Variants in FGF13 observed in about 807,000 individuals in gnomAD.
FGF13 encodes the protein fibroblast growth factor 13, also known as fibroblast growth factor homologous factor 2.
Under a neutral mutation model 19.5 loss-of-function variants are expected in FGF13, and 2 were observed. That is an observed-to-expected ratio of 0.10 (90% CI 0.04 to 0.32). FGF13 has a LOEUF of 0.32. Ranked by LOEUF, FGF13 falls within the 10% of genes least tolerant of loss-of-function variation. The pLI is 1.00. For missense variants in FGF13, 113 were observed against 192.7 expected (o/e 0.59, Z 2.45); for synonymous variants, 72 against 76.9 (o/e 0.94, Z 0.33).
At chrX:138,879,086 A>G (rs779560577) in intron 1 of FGF13, among the ~76,000 whole-genome samples, 187 of 110,566 alleles carry the variant, frequency 1.7e-3, no homozygotes, top group African/African-American at 5.7e-3. Context: ...ATTTTCTCTC[A>G]TTTTGTTTTT....
chrX:139,104,672 C>T (rs937543949), intron 1 of FGF13, among the ~76,000 whole-genome samples: 2 of 111,198 alleles, frequency 1.8e-5, no homozygotes, highest in Admixed American at 9.6e-5. Flanking sequence ...AGGGTACCAA[C>T]GTGATCAGAT....
intron 1 of FGF13, among the ~76,000 whole-genome samples, chrX:138,731,993 A>G (rs1439715879): frequency 8.9e-6 from 1 of 111,771 alleles, no homozygotes; most frequent in Non-Finnish European, 1.9e-5. Flanking sequence ...AAAGCACTCA[A>G]CATCATTAGT....
rs1320261884 is a variant in FGF13, at chrX:138,619,190, C to T, written c.*13660G>A. 9.0e-6 allele frequency: 1 copy of T among 111,465 alleles called. No individual in the cohort carries two copies. Among genetic ancestry groups the T allele is most frequent in the African/African-American group, 3.3e-5 (1 of 30,632 alleles). 9.2% of individuals were successfully genotyped at this position (111,465 alleles called of 1,213,427 possible). ...ACACAGACAAAGAAGTCAGTAGAAT[C>T]AGGAAAACAATGTATGACCAAAATA... On this transcript the variant is annotated 3_prime_UTR_variant, in exon 5 of 5. Coordinates refer to ENST00000315930, the MANE Select transcript of FGF13 (RefSeq NM_004114.5).
At chrX:139,105,050 T>C (rs2083549925) in intron 1 of FGF13, among the ~76,000 whole-genome samples, 1 of 111,123 alleles carries the variant, frequency 9.0e-6, no homozygotes, top group Admixed American at 9.6e-5. Context: ...TCTTCTTCAT[T>C]GTATTTTACC....
At chrX:139,105,150 G>A (rs898331659) in intron 1 of FGF13, among the ~76,000 whole-genome samples, 13 of 110,751 alleles carry the variant, frequency 1.2e-4, no homozygotes, top group African/African-American at 3.0e-4. Flanking sequence ...ATAAAGAGTC[G>A]TGGAACTCAG....
intron 3 of FGF13, among the ~76,000 whole-genome samples, chrX:138,810,077 G>T (rs2090908862): frequency 9.0e-6 from 1 of 111,640 alleles, no homozygotes; most frequent in Non-Finnish European, 1.9e-5. Flanking sequence ...TTTCTTCACA[G>T]AATTAGAAAA....
At chrX:139,108,969 G>C (rs1569453927) in intron 1 of FGF13, among the ~76,000 whole-genome samples, 1 of 109,625 alleles carries the variant, frequency 9.1e-6, no homozygotes, top group East Asian at 2.9e-4. Context: ...CTACTTTGCT[G>C]AGGATAATGG....
At chrX:138,678,541 T>C (rs188019559) in intron 3 of FGF13, among the ~76,000 whole-genome samples, 97 of 111,651 alleles carry the variant, frequency 8.7e-4, no homozygotes, top group African/African-American at 3.1e-3. Context: ...ATGACCAAGT[T>C]AGAGGAAGCT....
intron 1 of FGF13, among the ~76,000 whole-genome samples, chrX:138,995,596 A>G (rs2092038759): frequency 8.9e-6 from 1 of 112,582 alleles, no homozygotes; most frequent in African/African-American, 3.2e-5. Flanking sequence ...TTTGCTAAGT[A>G]TGATAGCCTC....
chrX:139,071,034 C>T (rs2092375003), intron 1 of FGF13, among the ~76,000 whole-genome samples: 1 of 109,037 alleles, frequency 9.2e-6, no homozygotes, highest in South Asian at 4.0e-4. Flanking sequence ...ATGTAGATGA[C>T]GAGTTGATGA....
intron 1 of FGF13, among the ~76,000 whole-genome samples, chrX:138,865,473 C>CCTCTCT (rs1197850890): frequency 1.6e-5 from 1 of 64,419 alleles, no homozygotes; most frequent in Non-Finnish European, 3.1e-5. Flanking sequence ...CTCTCTCTCT[C>CCTCTCT]CTCTCTCTCT....
intron 1 of FGF13, among the ~76,000 whole-genome samples, chrX:139,145,571 C>A (rs779117729): frequency 9.1e-6 from 1 of 110,362 alleles, no homozygotes; most frequent in East Asian, 2.9e-4. Context: ...AACTTACACT[C>A]CAACTGTGTG....
intron 3 of FGF13, among the ~76,000 whole-genome samples, chrX:138,789,620 G>C (rs2090723155): frequency 9.0e-6 from 1 of 110,919 alleles, no homozygotes; most frequent in Non-Finnish European, 1.9e-5. Flanking sequence ...AATTCCTCCA[G>C]TTTCTGGTAT....
chrX:139,142,764 A>T (rs1002944863), intron 1 of FGF13, among the ~76,000 whole-genome samples: 4 of 112,004 alleles, frequency 3.6e-5, no homozygotes, highest in Non-Finnish European at 7.5e-5. Context: ...AAAAGCACTG[A>T]TCAGTTTTTT....
intron 1 of FGF13, among the ~76,000 whole-genome samples, chrX:138,938,548 T>C (rs1247285924): frequency 1.8e-5 from 2 of 110,973 alleles, no homozygotes. Context: ...ATTCACGGGA[T>C]TCTGCCGCCC....
At chrX:138,805,344 T>C (rs1340605146) in intron 3 of FGF13, among the ~76,000 whole-genome samples, 1 of 112,220 alleles carries the variant, frequency 8.9e-6, no homozygotes, top group Non-Finnish European at 1.9e-5. Flanking sequence ...GTTGGCAGAT[T>C]AACCTTGAAA....
intron 3 of FGF13, among the ~76,000 whole-genome samples, chrX:138,810,425 C>G (rs1468566038): frequency 9.0e-6 from 1 of 111,356 alleles, no homozygotes; most frequent in Non-Finnish European, 1.9e-5. Context: ...CTTCCTTACA[C>G]CTTATACAAA....
chrX:139,067,253 A>G (rs1005278781), intron 1 of FGF13, among the ~76,000 whole-genome samples: 2 of 111,773 alleles, frequency 1.8e-5, no homozygotes, highest in Admixed American at 9.5e-5. Context: ...CACCACTCCT[A>G]TTCAACATAG....
At chrX:138,867,352 G>A (rs917272525) in intron 1 of FGF13, among the ~76,000 whole-genome samples, 1 of 111,174 alleles carries the variant, frequency 9.0e-6, no homozygotes, top group African/African-American at 3.3e-5. Flanking sequence ...CCACGAGTTC[G>A]AGGCTGCAGT....
Sources: gnomAD v4.1 joint callset for allele counts (sites outside exome capture counted in the v4.1 genomes callset) on GRCh38, gnomAD v4.1.1 for gene constraint, MANE v1.5 for transcripts, NCBI Gene and HGNC (gene_info 2026-07-23, HGNC 2026-07-21) for gene names.